Variants in NPAS3 observed in about 807,000 individuals in gnomAD.
NPAS3 encodes neuronal PAS domain protein 3.
A neutral mutation model predicts 73.1 loss-of-function variants in NPAS3; 14 were observed. The ratio of observed to expected loss-of-function variants is 0.19; its 90% CI spans 0.13 to 0.30. The LOEUF (loss-of-function observed/expected upper bound fraction) is 0.30. NPAS3 is among the 10% of genes least tolerant of loss of function. NPAS3 has a pLI of 1.00. For missense variants in NPAS3, 1,096 were observed against 1,250.0 expected (o/e 0.88, Z 1.86); for synonymous variants, 620 against 541.5 (o/e 1.14, Z -2.01).
At chr14:33,569,386 AAC>A (rs1220062670) in intron 5 of NPAS3, among the ~76,000 whole-genome samples, 1 of 152,182 alleles carries the variant, frequency 6.6e-6, no homozygotes, top group African/African-American at 2.4e-5. Flanking sequence ...TGGCAGAGGT[AAC>A]ACAGATACCT....
intron 5 of NPAS3, among the ~76,000 whole-genome samples, chr14:33,577,926 T>A (rs890011895): frequency 1.3e-5 from 2 of 152,054 alleles, no homozygotes; most frequent in Admixed American, 6.5e-5. Flanking sequence ...TCCCCCCAAT[T>A]CCAAAGGCAA....
intron 4 of NPAS3, among the ~76,000 whole-genome samples, chr14:33,557,769 G>C (rs186512622): frequency 6.6e-6 from 1 of 152,112 alleles, no homozygotes; most frequent in African/African-American, 2.4e-5. Flanking sequence ...GGAGATCAAG[G>C]CCATCCTGGC....
chr14:33,220,758 AATATTAT>A (rs2047394104), intron 3 of NPAS3, among the ~76,000 whole-genome samples: 1 of 152,170 alleles, frequency 6.6e-6, no homozygotes, highest in African/African-American at 2.4e-5. Flanking sequence ...CAGCATGAAA[AATATTAT>A]ATATAGCATT....
At chr14:33,638,847 T>TTTAAAGTAATGTAACTGTCCTAA (rs1182713935) in intron 5 of NPAS3, among the ~76,000 whole-genome samples, 2 of 152,250 alleles carry the variant, frequency 1.3e-5, no homozygotes, top group Non-Finnish European at 2.9e-5. Flanking sequence ...ACAGATATAT[T>TTTAAAGTAATGTAACTGTCCTAA]TTAAAGTAAT....
intron 6 of NPAS3, among the ~76,000 whole-genome samples, chr14:33,717,493 CATAGAG>C (rs1440233768): frequency 1.3e-5 from 2 of 152,042 alleles, no homozygotes; most frequent in African/African-American, 2.4e-5. Context: ...AACCTAAGTA[CATAGAG>C]ATAGATATTA....
intron 1 of NPAS3, among the ~76,000 whole-genome samples, chr14:33,027,769 C>T (rs1276656879): frequency 6.6e-6 from 1 of 152,106 alleles, no homozygotes; most frequent in Non-Finnish European, 1.5e-5. Context: ...GGCAGTAGAT[C>T]TCCCAGAAGC....
At chr14:33,459,097 T>A (rs1232641401) in intron 4 of NPAS3, among the ~76,000 whole-genome samples, 1 of 152,218 alleles carries the variant, frequency 6.6e-6, no homozygotes, top group East Asian at 1.9e-4. Context: ...GACGTTGCCA[T>A]GGCATTTGTA....
intron 2 of NPAS3, among the ~76,000 whole-genome samples, chr14:33,168,242 G>A (rs978269354): frequency 6.6e-6 from 1 of 152,126 alleles, no homozygotes. Context: ...GAAATCCTGG[G>A]ATAGTTGCAG....
At chr14:33,310,135 C>T (rs891624871) in intron 3 of NPAS3, among the ~76,000 whole-genome samples, 5 of 152,138 alleles carry the variant, frequency 3.3e-5, no homozygotes, top group African/African-American at 4.8e-5. Flanking sequence ...AAGGGTACAA[C>T]ATCCATGTGT....
intron 2 of NPAS3, among the ~76,000 whole-genome samples, chr14:33,074,843 G>T (rs879731506): frequency 3.9e-5 from 6 of 152,136 alleles, no homozygotes; most frequent in Non-Finnish European, 5.9e-5. Flanking sequence ...TTGAGAAGAG[G>T]TGTTTCATAA....
At chr14:33,328,560 T>C (rs542183394) in intron 3 of NPAS3, among the ~76,000 whole-genome samples, 36 of 144,500 alleles carry the variant, frequency 2.5e-4, no homozygotes, top group Non-Finnish European at 4.5e-4. Flanking sequence ...TCTGCCTTCC[T>C]GGTTCAAGCG....
At chr14:33,432,033 C>A (rs2048805187) in intron 4 of NPAS3, among the ~76,000 whole-genome samples, 1 of 152,006 alleles carries the variant, frequency 6.6e-6, no homozygotes, top group Admixed American at 6.6e-5. Flanking sequence ...ATAGTTATTT[C>A]TTAAAAACAT....
intron 2 of NPAS3, among the ~76,000 whole-genome samples, chr14:33,091,532 C>T (rs144913652): frequency 9.5e-4 from 145 of 152,210 alleles, no homozygotes; most frequent in African/African-American, 3.3e-3. Flanking sequence ...CAGGACCAGA[C>T]AGATTCACAG....
chr14:33,104,874 G>A (rs2042677477), intron 2 of NPAS3, among the ~76,000 whole-genome samples: 1 of 152,128 alleles, frequency 6.6e-6, no homozygotes, highest in Admixed American at 6.6e-5. Context: ...TTCATGTTTG[G>A]TTTGTTTGGC....
At chr14:33,607,653 T>TAA (rs2057616683) in intron 5 of NPAS3, among the ~76,000 whole-genome samples, 1 of 152,204 alleles carries the variant, frequency 6.6e-6, no homozygotes, top group African/African-American at 2.4e-5. Flanking sequence ...TTTAAATATA[T>TAA]GCAGCTTATT....
At chr14:32,962,559 T>TC (rs2036971030) in intron 1 of NPAS3, among the ~76,000 whole-genome samples, 1 of 144,946 alleles carries the variant, frequency 6.9e-6, no homozygotes, top group African/African-American at 2.6e-5. Flanking sequence ...CTTTCTTTCT[T>TC]TTTTCTTTTC....
chr14:33,450,303 G>GC (rs888791801), intron 4 of NPAS3, among the ~76,000 whole-genome samples: 3 of 152,178 alleles, frequency 2.0e-5, no homozygotes, highest in African/African-American at 7.2e-5. Context: ...TGATGCATCT[G>GC]CAGTCATCGG....
At chr14:33,631,498 A>G (rs776756117) in intron 5 of NPAS3, among the ~76,000 whole-genome samples, 2 of 152,188 alleles carry the variant, frequency 1.3e-5, no homozygotes, top group African/African-American at 4.8e-5. Flanking sequence ...TGCTGCAAGA[A>G]ATATTGACAG....
At position 33,416,004 on chromosome 14, in the gene NPAS3, A is replaced by G. The variant is rs567154378; in HGVS notation, c.468+48736A>G. Among the ~76,000 whole-genome samples, 5 of 152,160 alleles carry G rather than the reference A, an allele frequency of 3.3e-5. No homozygotes were observed. In the South Asian group the frequency reaches 1.0e-3, roughly 32 times the overall value. ...TATCCAACTTAATTTAAGCTTTCAA[A>G]TTCTATAAAGCTCTGAGGATGTCTT... On this transcript the variant is annotated intron_variant, in intron 4 of 11. Transcript: ENST00000356141.
Sources: allele counts gnomAD v4.1 joint callset (sites outside exome capture counted in the v4.1 genomes callset), GRCh38; gene constraint gnomAD v4.1.1; transcripts MANE v1.5; gene names NCBI Gene and HGNC (gene_info 2026-07-23, HGNC 2026-07-21).